The following SOX6 variants were observed in gnomAD, a reference collection of about 807,000 sequenced individuals.
SOX6 encodes SRY-box transcription factor 6, also known as transcription factor SOX-6.
SOX6 carries 11 observed loss-of-function variants against 97.8 expected under a neutral mutation model. That is an observed-to-expected ratio of 0.11 (90% CI 0.07 to 0.19). The LOEUF (loss-of-function observed/expected upper bound fraction) is 0.19. Ranked by LOEUF, SOX6 falls within the 10% of genes least tolerant of loss-of-function variation. The pLI, the probability that SOX6 is intolerant of heterozygous loss-of-function variation, is 1.00. For synonymous variants in SOX6, 360 were observed against 371.4 expected (o/e 0.97, Z 0.35); for missense variants, 810 against 1,039.5 (o/e 0.78, Z 3.04).
chr11:16,118,183 C>T (rs533123216), intron 6 of SOX6, among the ~76,000 whole-genome samples: 1 of 152,292 alleles, frequency 6.6e-6, no homozygotes, highest in African/African-American at 2.4e-5. Flanking sequence ...TACCAAGTAA[C>T]CGGAAACCCC....
rs540895428 is a variant in SOX6 at position 16,056,024 on chromosome 11, T to C, written c.1102-123A>G. On this transcript the variant is annotated intron_variant, in intron 9 of 15. Transcript: ENST00000683767. ...CCTTGTAATTTCTTTTTCACTATTT[T>C]TAAAAAAGGAAGCTAAGAGAAGGCA... 3.0e-5 allele frequency: 35 copies of C among 1,158,350 alleles called. No individual in the cohort carries two copies. The African/African-American group carries it at 4.8e-4, about 16-fold the overall frequency. 71.8% of individuals were successfully genotyped at this position (1,158,350 alleles called of 1,614,324 possible). A position where few individuals can be genotyped will look rare whatever the true frequency, so the allele number is the denominator to read the frequency against.
chr11:16,494,279 G>A (rs1196358369), intron 4 of SOX6, among the ~76,000 whole-genome samples: 1 of 152,166 alleles, frequency 6.6e-6, no homozygotes. Context: ...AGGAGGCTGA[G>A]GCAGCAGAAT....
chr11:16,071,982 T>G (rs1298012720), intron 9 of SOX6, among the ~76,000 whole-genome samples: 2 of 150,652 alleles, frequency 1.3e-5, no homozygotes, highest in Admixed American at 1.3e-4. Context: ...CCCACACAGA[T>G]GAGAAAGAAC....
At chr11:16,459,702 A>C (rs748531168) in intron 1 of SOX6, among the ~76,000 whole-genome samples, 33 of 152,114 alleles carry the variant, frequency 2.2e-4, no homozygotes, top group Non-Finnish European at 4.1e-4. Flanking sequence ...GGGTAGAATT[A>C]AAAGCAGATT....
chr11:16,569,865 T>A, intron 4 of SOX6, among the ~76,000 whole-genome samples: 1 of 48,886 alleles, frequency 2.0e-5, no homozygotes, highest in Non-Finnish European at 3.6e-5. Context: ...CAAGACTCCG[T>A]CTCAAAAAAA....
At chr11:16,721,916 C>A (rs181985117) in intron 2 of SOX6, among the ~76,000 whole-genome samples, 10 of 151,910 alleles carry the variant, frequency 6.6e-5, no homozygotes, top group African/African-American at 2.4e-4. Flanking sequence ...TTTGACAAAG[C>A]TGACAAAAAC....
chr11:16,018,863 A>G (rs1854963505), intron 12 of SOX6, among the ~76,000 whole-genome samples: 2 of 152,272 alleles, frequency 1.3e-5, no homozygotes, highest in South Asian at 2.1e-4. Context: ...AGTAAAGACC[A>G]TAATGTAAAC....
intron 6 of SOX6, among the ~76,000 whole-genome samples, chr11:16,132,395 AAAGAAAAAAGAAAG>A (rs1849804438): frequency 1.3e-5 from 1 of 78,344 alleles, no homozygotes; most frequent in Admixed American, 1.6e-4. Flanking sequence ...AGAAAGAAAG[AAAGAAAAAAGAAAG>A]AAAGAAAGAA....
chr11:16,016,386 T>C (rs760815247), intron 12 of SOX6, among the ~76,000 whole-genome samples: 1 of 152,032 alleles, frequency 6.6e-6, no homozygotes, highest in African/African-American at 2.4e-5. Context: ...TATGAAAGAT[T>C]TGCAACAAAA....
rs1848346831 is a variant in SOX6, at chr11:16,607,363, G to A, written n.609+4718C>T. On this transcript the variant is annotated intron_variant and non_coding_transcript_variant, in intron 4 of 5. Transcript: ENST00000524520. The surrounding 1 kb of genome is among the most constrained non-coding windows in gnomAD (Gnocchi z 6.5). ...CGGTTACCTGGGCGGGCTCCAGGATGGTACCGCGCGGGAGGGCTCCTTGTG... is the reference window on the plus strand; with the variant it reads ...CGGTTACCTGGGCGGGCTCCAGGATAGTACCGCGCGGGAGGGCTCCTTGTG... The A allele has an allele frequency of 6.6e-6, 1 of 152,372 alleles. No individual in the cohort carries two copies. The allele number at this position is 152,372 out of a possible 1,614,324, so 9.4% of individuals were successfully genotyped here. A position where few individuals can be genotyped will look rare whatever the true frequency, so the allele number is the denominator to read the frequency against.
intron 4 of SOX6, among the ~76,000 whole-genome samples, chr11:16,582,663 A>C (rs1483104964): frequency 1.3e-5 from 2 of 152,152 alleles, no homozygotes; most frequent in Non-Finnish European, 2.9e-5. Flanking sequence ...GATACAAAAA[A>C]GAAGAAAAGA....
intron 1 of SOX6, among the ~76,000 whole-genome samples, chr11:16,417,010 T>C (rs1363072931): frequency 6.6e-6 from 1 of 152,164 alleles, no homozygotes; most frequent in Non-Finnish European, 1.5e-5. Context: ...TGGACGAATT[T>C]AGCTACACTA....
intron 4 of SOX6, among the ~76,000 whole-genome samples, chr11:16,600,913 T>A (rs114078963): frequency 0.011 from 1,696 of 152,284 alleles, 24 homozygotes; most frequent in African/African-American, 0.039. Context: ...TACATTAATA[T>A]AAATTGCTTT....
intron 3 of SOX6, 70 bp downstream of exon 3, chr11:16,318,372 CTTTT>C (rs34820506): frequency 1.0e-5 from 14 of 1,362,294 alleles, no homozygotes; most frequent in African/African-American, 1.5e-5. Context: ...TGAAATCCCA[CTTTT>C]TTTTTTTTTT....
chr11:16,311,826 A>G (rs1175050371), intron 3 of SOX6: 1 of 152,214 alleles, frequency 6.6e-6, no homozygotes, highest in African/African-American at 2.4e-5. Flanking sequence ...TTAGTAGAGC[A>G]AAGTCTATCA....
Position 16,300,196 on chromosome 11 carries a change from T to C in SOX6, c.445+18250A>G, listed in dbSNP as rs1444335645. On this transcript the variant is annotated intron_variant, in intron 3 of 15. Transcript: ENST00000683767. The surrounding 1 kb of genome is among the most constrained non-coding windows in gnomAD (Gnocchi z 4.1). ...GGTGTCTAATGGCCACAATACAAAG[T>C]TGTTCAAATTATTTCTCAGGCATGA... Among the ~76,000 whole-genome samples the C allele has an allele frequency of 6.6e-6, 1 of 152,126 alleles. No individual in the cohort carries two copies. Among genetic ancestry groups the C allele is most frequent in the African/African-American group, 2.4e-5 (1 of 41,430 alleles).
At chr11:16,201,463 T>C (rs1851935081) in intron 4 of SOX6, among the ~76,000 whole-genome samples, 1 of 151,134 alleles carries the variant, frequency 6.6e-6, no homozygotes, top group African/African-American at 2.4e-5. Flanking sequence ...CATCACTATT[T>C]AAAATATGTA....
intron 1 of SOX6, among the ~76,000 whole-genome samples, chr11:16,428,188 G>T (rs1418903624): frequency 6.6e-6 from 1 of 151,916 alleles, no homozygotes; most frequent in East Asian, 1.9e-4. Context: ...TTTTTTTCTT[G>T]TAAATTTGTT....
intron 1 of SOX6, among the ~76,000 whole-genome samples, chr11:16,410,745 C>T (rs542334096): frequency 4.6e-5 from 4 of 86,592 alleles, no homozygotes; most frequent in Admixed American, 3.4e-4. Context: ...GGCAACAGAG[C>T]AAGAACCGGT....
Sources: gnomAD v4.1 joint callset for allele counts (sites outside exome capture counted in the v4.1 genomes callset) on GRCh38, gnomAD v4.1.1 for gene constraint, Gnocchi (gnomAD v3.1) non-coding constraint, MANE v1.5 for transcripts, NCBI Gene and HGNC (gene_info 2026-07-23, HGNC 2026-07-21) for gene names.